ZNF19: variants seen among roughly 807,000 people sequenced by gnomAD.
ZNF19 encodes the protein zinc finger protein 19 (KOX 12).
ZNF19 carries 11 observed loss-of-function variants against 13.1 expected under a neutral mutation model. The observed-to-expected ratio is 0.84, with a 90% CI of 0.53 to 1.39. ZNF19 has a LOEUF of 1.39. Among genes scored for constraint, ZNF19 ranks in the 40% most tolerant of loss-of-function variants. The pLI is 0.00. For synonymous variants in ZNF19, 186 were observed against 187.0 expected (o/e 0.99, Z 0.04); for missense variants, 560 against 547.0 (o/e 1.02, Z -0.24).
chr16:71,475,471 C>T lies in ZNF19; in HGVS notation c.1076G>A (p.Cys359Tyr). The change falls in exon 6 of 6, where the codon TGT becomes TAT. Residue 359 changes from cysteine (C) to tyrosine (Y), a missense_variant. Transcript: ENST00000288177. ...ACTGAAGGCTTTTCCACAATCTACA[C>T]AGTCAAAGGGTTTCTCCTCACTGTG... ...RIHSEEKPFD[C>Y]VDCGKAFSAQ... is the part of the protein sequence containing the mutation. 1 of 1,614,194 alleles carries T rather than the reference C, an allele frequency of 6.2e-7. No homozygotes were observed. The highest frequency in any genetic ancestry group is 8.5e-7 in the Non-Finnish European group (1 of 1,180,028).
intron 1 of ZNF19, among the ~76,000 whole-genome samples, chr16:71,488,357 CAAAA>C (rs1204906609): frequency 3.1e-5 from 2 of 65,386 alleles, no homozygotes. Flanking sequence ...GAGACTATCT[CAAAA>C]AAAAAAAAAA....
At chr16:71,487,692 A>G (rs138209391) in intron 1 of ZNF19, among the ~76,000 whole-genome samples, 1 of 152,324 alleles carries the variant, frequency 6.6e-6, no homozygotes, top group East Asian at 1.9e-4. Context: ...CATGATACCC[A>G]GAGTATGGTG....
In ZNF19 at chr16:71,475,722, A is replaced by G; in HGVS notation, c.825T>C (p.Cys275=). The G allele has an allele frequency of 6.2e-7, 1 of 1,612,574 alleles. No homozygotes were observed. The highest frequency in any genetic ancestry group is 8.5e-7 in the Non-Finnish European group (1 of 1,178,766). ...CAACAAAAGCTTTGCCACACTCATT[A>G]CACTCATAGGGTTTCTCCCCAGTGT... The part of the protein sequence containing the change: ...RIHTGEKPYE[C]NECGKAFVGN... Residue 275 remains cysteine, a synonymous_variant, in exon 6 of 6, where the codon TGT becomes TGC. Coordinates refer to ENST00000288177, the MANE Select transcript of ZNF19 (RefSeq NM_006961.4).
chr16:71,485,374 C>T (rs1257585528), intron 1 of ZNF19, among the ~76,000 whole-genome samples: 2 of 150,358 alleles, frequency 1.3e-5, no homozygotes, highest in African/African-American at 4.9e-5. Context: ...TGCTTGAACC[C>T]GAGAGGTGGA....
At chr16:71,481,509 G>A (rs994973179) in intron 3 of ZNF19, among the ~76,000 whole-genome samples, 1 of 152,184 alleles carries the variant, frequency 6.6e-6, no homozygotes, top group Admixed American at 6.5e-5. Flanking sequence ...ATGCCACTGA[G>A]GCCTAACAGA....
chr16:71,484,887 A>C, intron 1 of ZNF19, 139 bp from the exon 2 acceptor site: 1 of 242,900 alleles, frequency 4.1e-6, no homozygotes, highest in Non-Finnish European at 6.6e-6. Context: ...AGATATTTTC[A>C]TATCACATTA....
intron 1 of ZNF19, 117 bp from the exon 2 acceptor site, chr16:71,484,865 G>A (rs948051903): frequency 2.1e-5 from 7 of 334,798 alleles, no homozygotes; most frequent in Admixed American, 6.5e-5. Context: ...GACTGTCACC[G>A]ATAGAAATCA....
rs369283675 is a variant in ZNF19 at position 71,481,950 on chromosome 16, AG to A, written c.33+131del. The A allele has an allele frequency of 1.5e-4, 136 of 915,698 alleles. 1 individual carries two copies. In the East Asian group the frequency reaches 1.8e-3, roughly 12 times the overall value. The allele number at this position is 915,698 out of a possible 1,614,324, so 56.7% of individuals were successfully genotyped here. ...GCCCCTAGCTCTTTCCCCAGCACCC[AG>A]TCCTACTGGAGGGAATCAGCAGGGG... On this transcript the variant is annotated intron_variant, in intron 3 of 5. Transcript: ENST00000288177.
chr16:71,480,656 A>G (rs1285113748), intron 3 of ZNF19, among the ~76,000 whole-genome samples: 1 of 152,202 alleles, frequency 6.6e-6, no homozygotes, highest in East Asian at 1.9e-4. Flanking sequence ...TCCCACACTG[A>G]ATCTATCCTC....
chr16:71,476,387 T>C (rs1045454835), intron 5 of ZNF19, 115 bp from the exon 6 acceptor site: 2 of 1,251,880 alleles, frequency 1.6e-6, no homozygotes, highest in Non-Finnish European at 2.1e-6. Context: ...CACATCAGCA[T>C]GCTGGGAAGA....
At chr16:71,488,506 A>G (rs1372333977) in intron 1 of ZNF19, among the ~76,000 whole-genome samples, 1 of 152,076 alleles carries the variant, frequency 6.6e-6, no homozygotes, top group East Asian at 1.9e-4. Context: ...CTAAAATTAA[A>G]AGTGAGTTCA....
At chr16:71,485,326 T>C (rs1169245131) in intron 1 of ZNF19, among the ~76,000 whole-genome samples, 1 of 151,758 alleles carries the variant, frequency 6.6e-6, no homozygotes, top group Non-Finnish European at 1.5e-5. Context: ...GGCGGGCACC[T>C]GTAATCCCAG....
chr16:71,478,341 C>T lies in ZNF19; in HGVS notation c.161G>A (p.Gly54Glu), dbSNP rs1018455757. ...LENFGNLTAL[G>E]YPVPKPALIS... is the part of the protein sequence containing the mutation. ...CAGTGCAGGTTTGGGAACTGGGTACCCTGAAAACAGGAAGAAAATGGTACT... is the reference window on the plus strand; with the variant it reads ...CAGTGCAGGTTTGGGAACTGGGTACTCTGAAAACAGGAAGAAAATGGTACT... Residue 54 changes from glycine to glutamate, a missense_variant and splice_region_variant, in exon 5 of 6, where the codon GGG becomes GAG. Coordinates refer to ENST00000288177, the MANE Select transcript of ZNF19 (RefSeq NM_006961.4). The T allele has an allele frequency of 6.2e-7, 1 of 1,609,916 alleles. No individual in the cohort carries two copies. The highest frequency in any genetic ancestry group is 8.5e-7 in the Non-Finnish European group (1 of 1,176,646).
In ZNF19 at chr16:71,478,940, A is replaced by C; in HGVS notation, c.99T>G (p.Pro33=). ...FTKTEWTGLS[P]AQRALYRSVM... The stretch of plus-strand genomic sequence containing the variant: ...CACTTCTGTACAGGGCCCTCTGGGC[A>C]GGAGAAAGGCCAGTCCATTCTGTCT... The change falls in exon 4 of 6, where the codon CCT becomes CCG. Residue 33 remains proline (P), a synonymous_variant. Transcript: ENST00000288177. The C allele has an allele frequency of 2.5e-6, 4 of 1,614,248 alleles. No individual in the cohort carries two copies. The South Asian group carries it at 4.4e-5, about 18-fold the overall frequency.
At chr16:71,483,936 A>T (rs1009772656) in intron 2 of ZNF19, among the ~76,000 whole-genome samples, 2 of 152,248 alleles carry the variant, frequency 1.3e-5, no homozygotes, top group African/African-American at 4.8e-5. Context: ...GAAGCTTAAG[A>T]AAATAAATTA....
chr16:71,486,373 G>T (rs183717113), intron 1 of ZNF19, among the ~76,000 whole-genome samples: 163 of 151,812 alleles, frequency 1.1e-3, no homozygotes, highest in Admixed American at 2.2e-3. Flanking sequence ...AAAAAAAGAT[G>T]ATTATCTTGG....
In ZNF19 at chr16:71,480,348, C is replaced by A. The variant is rs1475552023; in HGVS notation, c.34-1343G>T. ...CCAACACACTGACTCACCAAGCAACCCCAAACTCATCTTCCCCAAAATGGC... is the reference window on the plus strand; with the variant it reads ...CCAACACACTGACTCACCAAGCAACACCAAACTCATCTTCCCCAAAATGGC... On this transcript the variant is annotated intron_variant, in intron 3 of 5. Coordinates refer to ENST00000288177, the MANE Select transcript of ZNF19 (RefSeq NM_006961.4). Among the ~76,000 whole-genome samples the A allele has an allele frequency of 3.9e-5, 6 of 152,286 alleles. No individual in the cohort carries two copies. In the South Asian group the frequency reaches 1.2e-3, roughly 32 times the overall value.
intron 1 of ZNF19, among the ~76,000 whole-genome samples, chr16:71,488,842 G>A (rs2043700256): frequency 6.6e-6 from 1 of 152,154 alleles, no homozygotes; most frequent in Non-Finnish European, 1.5e-5. Context: ...AAACACTATG[G>A]GACAATGGCA....
chr16:71,475,044 T>C lies in ZNF19; in HGVS notation c.*126A>G. 1 of 1,187,312 alleles carries C rather than the reference T, an allele frequency of 8.4e-7. No homozygotes were observed. Among genetic ancestry groups the C allele is most frequent in the Non-Finnish European group, 1.2e-6 (1 of 863,142 alleles). The allele number at this position is 1,187,312 out of a possible 1,614,324, so 73.5% of individuals were successfully genotyped here. ...TCTAATTGAACCATCTTTGGTCATC[T>C]ACTGACATCTGAATCATTAACTGTG... On this transcript the variant is annotated 3_prime_UTR_variant, in exon 6 of 6. Transcript: ENST00000288177.
Sources: gnomAD v4.1 joint callset for allele counts (sites outside exome capture counted in the v4.1 genomes callset) on GRCh38, gnomAD v4.1.1 for gene constraint, MANE v1.5 for transcripts, NCBI Gene and HGNC (gene_info 2026-07-23, HGNC 2026-07-21) for gene names.